The following LAG3 variants were observed in gnomAD, a reference collection of about 807,000 sequenced individuals.
The protein encoded by LAG3 is lymphocyte activating 3, also known as lymphocyte activation gene 3 protein.
In LAG3, 29 loss-of-function variants were observed where a neutral mutation model predicts 49.0. The observed-to-expected ratio is 0.59, with a 90% CI of 0.44 to 0.81. The LOEUF (loss-of-function observed/expected upper bound fraction) is 0.81, where lower values mean the gene tolerates loss of function less well. Ranked by LOEUF, LAG3 falls within the 30% of genes least tolerant of loss-of-function variation. The pLI is 0.00. For missense variants in LAG3, 693 were observed against 695.2 expected (o/e 1.00, Z 0.04); for synonymous variants, 320 against 297.3 (o/e 1.08, Z -0.79).
chr12:6,773,018 T>A lies in LAG3; in HGVS notation c.58+108T>A. Reference sequence around the variant, plus strand: ...AGGTCCTTAGCTCTGTGGATTCTTCTAATCCCTTTTTTGGGCAGTCCTTCC... The same window carrying A: ...AGGTCCTTAGCTCTGTGGATTCTTCAAATCCCTTTTTTGGGCAGTCCTTCC... On this transcript the variant is annotated intron_variant, in intron 1 of 7. Transcript: ENST00000203629. This position sits in a 1 kb window ranked among gnomAD's most constrained non-coding sequence, Gnocchi z 5.5. The A allele has an allele frequency of 7.1e-7, 1 of 1,399,514 alleles. No individual in the cohort carries two copies. Among genetic ancestry groups the A allele is most frequent in the Non-Finnish European group, 1.0e-6 (1 of 999,068 alleles). The allele number at this position is 1,399,514 out of a possible 1,614,324, so 86.7% of individuals were successfully genotyped here. A position where few individuals can be genotyped will look rare whatever the true frequency, so the allele number is the denominator to read the frequency against.
rs911051949 is a variant in LAG3, at chr12:6,778,088, G to A, written c.1432-156G>A. 1.2e-5 allele frequency: 16 copies of A among 1,326,408 alleles called. No individual in the cohort carries two copies. The Admixed American group carries it at 1.7e-4, about 14-fold the overall frequency. The allele number at this position is 1,326,408 out of a possible 1,614,324, so 82.2% of individuals were successfully genotyped here. ...TCACTCCAGGGATGGCTTGTGCCTG[G>A]GTAGGCTGGAAGGGGGGTTGGGAGA... On this transcript the variant is annotated intron_variant, in intron 7 of 7. Transcript: ENST00000203629.
At chr12:6,777,575 C>A in intron 6 of LAG3, 69 bp downstream of exon 6, 1 of 1,551,162 alleles carries the variant, frequency 6.4e-7, no homozygotes, top group Non-Finnish European at 8.7e-7. Flanking sequence ...CCAGAACAGC[C>A]CCTGCCACCC....
In LAG3 at chr12:6,773,714, C is replaced by T. The variant is rs774677549; in HGVS notation, c.224C>T (p.Ala75Val). Residue 75 changes from alanine to valine, a missense_variant, in exon 3 of 8, where the codon GCC (alanine) becomes GTC (valine). Ala to Val is a moderately conservative substitution (Grantham distance 64). Coordinates refer to ENST00000203629, the MANE Select transcript of LAG3 (RefSeq NM_002286.6). The surrounding 1 kb of genome is among the most constrained non-coding windows in gnomAD (Gnocchi z 5.5). ...CCGCCCAGTGGCCCGCCCGCTGCCG[C>T]CCCCGGCCATCCCCTGGCCCCCGGC... The part of the protein sequence containing the change: ...HQPDSGPPAA[A>V]PGHPLAPGPH... 3.0e-5 allele frequency: 40 copies of T among 1,353,314 alleles called. No homozygotes were observed. The highest frequency in any genetic ancestry group is 1.6e-4 in the South Asian group (8 of 48,944). The allele number at this position is 1,353,314 out of a possible 1,614,324, so 83.8% of individuals were successfully genotyped here. A position where few individuals can be genotyped will look rare whatever the true frequency, so the allele number is the denominator to read the frequency against.
chr12:6,775,555 C>T lies in LAG3; in HGVS notation c.1057+7C>T. On this transcript the variant is annotated splice_region_variant and intron_variant, in intron 5 of 7. Transcript: ENST00000203629. ...ACATTGGCAATCATCACAGGTCAGCCTCAGGTGGGAAAGGAGTAGCTGCCC... is the reference window on the plus strand; with the variant it reads ...ACATTGGCAATCATCACAGGTCAGCTTCAGGTGGGAAAGGAGTAGCTGCCC... The T allele has an allele frequency of 6.2e-7, 1 of 1,613,502 alleles. No individual in the cohort carries two copies. The highest frequency in any genetic ancestry group is 8.5e-7 in the Non-Finnish European group (1 of 1,179,418).
chr12:6,777,952 C>G (rs141440376), intron 7 of LAG3, 31 bp downstream of exon 7: 3 of 1,610,798 alleles, frequency 1.9e-6, no homozygotes, highest in South Asian at 2.2e-5. Context: ...CCCCGCCCCC[C>G]AGCAGCTCCC....
At chr12:6,778,198 T>C (rs1382144640) in intron 7 of LAG3, 46 bp from the exon 8 acceptor site, 2 of 1,528,812 alleles carry the variant, frequency 1.3e-6, no homozygotes, top group Non-Finnish European at 1.8e-6. Flanking sequence ...CCCTTCATCC[T>C]TCTCCTCCTT....
intron 5 of LAG3, 78 bp downstream of exon 5, chr12:6,775,626 C>CT (rs1427304795): frequency 3.5e-6 from 5 of 1,430,070 alleles, no homozygotes; most frequent in Middle Eastern, 1.8e-4. Context: ...AGGGCAAAGA[C>CT]TAGGCAAACC....
chr12:6,777,958 C>G (rs754740934), intron 7 of LAG3, 37 bp downstream of exon 7: 1 of 1,610,498 alleles, frequency 6.2e-7, no homozygotes, highest in East Asian at 2.2e-5. Flanking sequence ...CCCCCAGCAG[C>G]TCCCGCTCTT....
At position 6,777,464 on chromosome 12, in the gene LAG3, C is replaced by A; in HGVS notation, c.1258C>A (p.Leu420Ile). Residue 420 changes from leucine to isoleucine, a missense_variant, in exon 6 of 8, where the codon CTT becomes ATT. Physicochemically the swap from Leu to Ile is conservative, Grantham distance 5. Coordinates refer to ENST00000203629, the MANE Select transcript of LAG3 (RefSeq NM_002286.6). ...ATGCCAGCTGTACCAGGGGGAGAGG[C>A]TTCTTGGAGCAGCAGTGTACTTCAC... ...WQCQLYQGERLLGAAVYFTEL... is the reference protein window; with the variant it reads ...WQCQLYQGERILGAAVYFTEL... The A allele has an allele frequency of 6.2e-7, 1 of 1,614,150 alleles. No individual in the cohort carries two copies. The highest frequency in any genetic ancestry group is 8.5e-7 in the Non-Finnish European group (1 of 1,180,010).
intron 5 of LAG3, among the ~76,000 whole-genome samples, chr12:6,776,382 T>C (rs1294287853): frequency 6.6e-6 from 1 of 152,138 alleles, no homozygotes; most frequent in Non-Finnish European, 1.5e-5. Flanking sequence ...ATCCCATCAG[T>C]CATCAAAGTC....
In LAG3 at chr12:6,778,310, G is replaced by C. The variant is rs1404729957; in HGVS notation, c.1498G>C (p.Glu500Gln). 1.9e-6 allele frequency: 3 copies of C among 1,613,532 alleles called. No individual in the cohort carries two copies. Among genetic ancestry groups the C allele is most frequent in the Non-Finnish European group, 2.5e-6 (3 of 1,179,824 alleles). Reference sequence around the variant, plus strand: ...CCCTCCGCAGGCTCAGAGCAAGATAGAGGAGCTGGAGCAAGAACCGGAGCC... The same window carrying C: ...CCCTCCGCAGGCTCAGAGCAAGATACAGGAGCTGGAGCAAGAACCGGAGCC... Reference protein sequence around the residue: ...IHPPQAQSKIEELEQEPEPEP... With the variant: ...IHPPQAQSKIQELEQEPEPEP... The change falls in exon 8 of 8, where the codon GAG (glutamate) becomes CAG (glutamine). Residue 500 changes from glutamate to glutamine, a missense_variant. Physicochemically the swap from Glu to Gln is conservative, Grantham distance 29 (BLOSUM62 2). Coordinates refer to ENST00000203629, the MANE Select transcript of LAG3 (RefSeq NM_002286.6).
chr12:6,778,342 GGAGCCGGAACCGGAGCCCGAGCCC>G lies in LAG3; in HGVS notation c.1536_1559del (p.Glu513_Pro520del), dbSNP rs1565483010. 4.3e-6 allele frequency: 7 copies of G among 1,612,982 alleles called. No individual in the cohort carries two copies. The highest frequency in any genetic ancestry group is 1.1e-5 in the South Asian group (1 of 91,074). On this transcript the variant is annotated inframe_deletion, in exon 8 of 8. Coordinates refer to ENST00000203629, the MANE Select transcript of LAG3 (RefSeq NM_002286.6). ...TGGAGCAAGAACCGGAGCCGGAGCC[GGAGCCGGAACCGGAGCCCGAGCCC>G]GAGCCCGAGCCGGAGCAGCTCTGAC...
Position 6,772,836 on chromosome 12 carries a change from C to T in LAG3, c.-17C>T. The T allele has an allele frequency of 6.5e-7, 1 of 1,535,774 alleles. No individual in the cohort carries two copies. Among genetic ancestry groups the T allele is most frequent in the Non-Finnish European group, 8.8e-7 (1 of 1,132,834 alleles). Reference sequence around the variant, plus strand: ...CCTCCTTTTGGAGGGCTCAGCGCTGCCCAGACCATAGGAGAGATGTGGGAG... The same window carrying T: ...CCTCCTTTTGGAGGGCTCAGCGCTGTCCAGACCATAGGAGAGATGTGGGAG... On this transcript the variant is annotated 5_prime_UTR_variant, in exon 1 of 8. Transcript: ENST00000203629.
intron 6 of LAG3, 59 bp downstream of exon 6, chr12:6,777,565 C>T: frequency 6.4e-7 from 1 of 1,572,086 alleles, no homozygotes; most frequent in Admixed American, 1.9e-5. Context: ...TATCCTCCTT[C>T]CAGAACAGCC....
At position 6,773,102 on chromosome 12, in the gene LAG3, G is replaced by C; in HGVS notation, c.59-90G>C. On this transcript the variant is annotated intron_variant, in intron 1 of 7. Coordinates refer to ENST00000203629, the MANE Select transcript of LAG3 (RefSeq NM_002286.6). This position sits in a 1 kb window ranked among gnomAD's most constrained non-coding sequence, Gnocchi z 5.5. The stretch of plus-strand genomic sequence containing the variant: ...GAAACCCAAGTTCTTCCTGCACCCT[G>C]TTTCTCCCTCGGGAAACACCCAGGC... 6.7e-7 allele frequency: 1 copy of C among 1,495,590 alleles called. No homozygotes were observed. The highest frequency in any genetic ancestry group is 1.4e-5 in the African/African-American group (1 of 71,276). 92.6% of individuals were successfully genotyped at this position (1,495,590 alleles called of 1,614,324 possible). A position where few individuals can be genotyped will look rare whatever the true frequency, so the allele number is the denominator to read the frequency against.
intron 3 of LAG3, 114 bp downstream of exon 3, chr12:6,774,115 T>A: frequency 2.3e-6 from 3 of 1,323,408 alleles, no homozygotes; most frequent in Non-Finnish European, 2.9e-6. Flanking sequence ...GTCGGAGAGC[T>A]CCCAGAAGAG....
Position 6,778,308 on chromosome 12 carries a change from T to A in LAG3, c.1496T>A (p.Ile499Lys). The A allele has an allele frequency of 1.9e-6, 3 of 1,613,470 alleles. No homozygotes were observed. The East Asian group carries it at 6.7e-5, about 36-fold the overall frequency. Reference protein sequence around the residue: ...GIHPPQAQSKIEELEQEPEPE... With the variant: ...GIHPPQAQSKKEELEQEPEPE... The stretch of plus-strand genomic sequence containing the variant: ...CACCCTCCGCAGGCTCAGAGCAAGA[T>A]AGAGGAGCTGGAGCAAGAACCGGAG... The change falls in exon 8 of 8, where the codon ATA becomes AAA. Residue 499 changes from isoleucine to lysine, a missense_variant. By Grantham distance (102) the Ile-to-Lys change is moderately radical. Coordinates refer to ENST00000203629, the MANE Select transcript of LAG3 (RefSeq NM_002286.6).
chr12:6,774,895 C>A, intron 4 of LAG3, 31 bp downstream of exon 4: 1 of 1,589,160 alleles, frequency 6.3e-7, no homozygotes, highest in South Asian at 1.1e-5. Flanking sequence ...CACATTTGAC[C>A]ACAACTCCTT....
intron 5 of LAG3, 156 bp downstream of exon 5, chr12:6,775,704 AC>A: frequency 1.5e-6 from 1 of 662,940 alleles, no homozygotes. Context: ...CACTTTTCTC[AC>A]CCCCATAATA....
Sources: allele counts gnomAD v4.1 joint callset (sites outside exome capture counted in the v4.1 genomes callset), GRCh38; gene constraint gnomAD v4.1.1; non-coding constraint Gnocchi (gnomAD v3.1); transcripts MANE v1.5; gene names NCBI Gene and HGNC (gene_info 2026-07-23, HGNC 2026-07-21).